The following TMEM217 variants were observed in gnomAD, a reference collection of about 807,000 sequenced individuals.
TMEM217 encodes transmembrane protein 217, also known as chromosome 6 open reading frame 128.
For synonymous variants in TMEM217, 76 were observed against 88.3 expected, an observed-to-expected ratio of 0.86 and a Z score of 0.78; for missense variants, 204 against 248.8, an observed-to-expected ratio of 0.82 and a Z score of 1.21.
At chr6:37,237,821 C>CT (rs1436796474) in intron 1 of TMEM217, among the ~76,000 whole-genome samples, 7 of 152,116 alleles carry the variant, frequency 4.6e-5, no homozygotes, top group African/African-American at 1.7e-4. Context: ...TATACACACA[C>CT]ACTACACACA....
At chr6:37,225,372 T>TA (rs1763764936) in intron 1 of TMEM217, among the ~76,000 whole-genome samples, 1 of 151,976 alleles carries the variant, frequency 6.6e-6, no homozygotes, top group African/African-American at 2.4e-5. Context: ...TCATCATAGT[T>TA]TAAAAAAAAC....
At chr6:37,252,796 A>C (rs188974260) in intron 1 of TMEM217, among the ~76,000 whole-genome samples, 41 of 150,846 alleles carry the variant, frequency 2.7e-4, no homozygotes, top group African/African-American at 9.3e-4. Context: ...GTGCCACCAC[A>C]CTCCACTAAT....
chr6:37,253,075 A>G (rs1292890359), intron 1 of TMEM217, among the ~76,000 whole-genome samples: 2 of 152,212 alleles, frequency 1.3e-5, no homozygotes, highest in Non-Finnish European at 2.9e-5. Flanking sequence ...GACAAAACCC[A>G]TATATTCTTA....
chr6:37,240,312 TA>T (rs1342123105), intron 1 of TMEM217, among the ~76,000 whole-genome samples: 1 of 152,210 alleles, frequency 6.6e-6, no homozygotes, highest in Non-Finnish European at 1.5e-5. Flanking sequence ...GGGGGCCATC[TA>T]AAGGCTCTAC....
chr6:37,251,017 T>G lies in TMEM217; in HGVS notation c.-12+6551A>C, dbSNP rs141880844. On this transcript the variant is annotated intron_variant, in intron 1 of 1. Coordinates refer to ENST00000357219, the Ensembl canonical transcript of TMEM217. ...TTAAGAGGGGCTCCAAAGAGCTGCC[T>G]GACCCTTTCCACCATGTGGGGACAC... Among the ~76,000 whole-genome samples, 248 of 140,788 alleles carry G rather than the reference T, an allele frequency of 1.8e-3. 1 individual carries two copies. Among genetic ancestry groups the G allele is most frequent in the African/African-American group, 6.1e-3 (232 of 38,132 alleles). The allele number at this position is 140,788 out of a possible 152,430, so 92.4% of individuals were successfully genotyped here.
At chr6:37,229,340 T>TTTTTTG (rs1562010228) in intron 1 of TMEM217, among the ~76,000 whole-genome samples, 4 of 123,060 alleles carry the variant, frequency 3.3e-5, no homozygotes, top group South Asian at 2.9e-4. Context: ...TTTCAGTTTT[T>TTTTTTG]TTTTTTTTTT....
At chr6:37,219,169 A>G in intron 1 of TMEM217, 128 bp from the exon 2 acceptor site, 1 of 823,022 alleles carries the variant, frequency 1.2e-6, no homozygotes, top group Non-Finnish European at 1.9e-6. Context: ...CTGGGAAACT[A>G]TAGCCTTGGG....
intron 1 of TMEM217, among the ~76,000 whole-genome samples, chr6:37,246,630 T>C (rs1324523563): frequency 6.6e-6 from 1 of 152,112 alleles, no homozygotes; most frequent in Non-Finnish European, 1.5e-5. Context: ...AGGCTGGGCA[T>C]GGTGGTTCAC....
In TMEM217 at chr6:37,212,260, G is replaced by A. The variant is rs78012975; in HGVS notation, c.*737C>T. 5.3e-3 allele frequency: 1,819 copies of A among 342,264 alleles called. 22 individuals are homozygous for A. The highest frequency in any genetic ancestry group is 0.035 in the African/African-American group (1,652 of 46,640). 21.2% of individuals were successfully genotyped at this position (342,264 alleles called of 1,614,324 possible). ...AACACATCTGTAAAATAATTGATCC[G>A]CACAACCTGCCCTCTCCCGAGAATC... is the stretch of plus-strand genomic sequence containing the variant. On this transcript the variant is annotated 3_prime_UTR_variant, in exon 4 of 4. Transcript: ENST00000336655.
intron 1 of TMEM217, among the ~76,000 whole-genome samples, chr6:37,252,589 ATGTG>A (rs1259800898): frequency 1.7e-4 from 5 of 29,618 alleles, no homozygotes; most frequent in South Asian, 1.2e-3. Flanking sequence ...GTGTACGTGT[ATGTG>A]TGTGTGTGTG....
chr6:37,247,804 C>T (rs1765180201), intron 1 of TMEM217, among the ~76,000 whole-genome samples: 1 of 152,182 alleles, frequency 6.6e-6, no homozygotes, highest in African/African-American at 2.4e-5. Context: ...TGTTTACCAA[C>T]TCCTGAGAGT....
At chr6:37,244,146 A>T (rs1395223557) in intron 1 of TMEM217, among the ~76,000 whole-genome samples, 3 of 152,206 alleles carry the variant, frequency 2.0e-5, no homozygotes, top group Non-Finnish European at 2.9e-5. Context: ...TAGTTTTACA[A>T]AGGTGGTTTA....
At chr6:37,241,953 T>G (rs1764789836) in intron 1 of TMEM217, among the ~76,000 whole-genome samples, 1 of 151,930 alleles carries the variant, frequency 6.6e-6, no homozygotes, top group Non-Finnish European at 1.5e-5. Context: ...CAAAAAGTAA[T>G]ATGAAGTCTG....
chr6:37,215,610 A>G (rs1048499397), downstream of TMEM217, among the ~76,000 whole-genome samples: 2 of 151,168 alleles, frequency 1.3e-5, no homozygotes, highest in Non-Finnish European at 2.9e-5. Flanking sequence ...AAGAAAAGAA[A>G]AAAGAAAACT....
intron 1 of TMEM217, among the ~76,000 whole-genome samples, chr6:37,238,500 T>A (rs1408248189): frequency 6.6e-6 from 1 of 152,198 alleles, no homozygotes; most frequent in Admixed American, 6.5e-5. Flanking sequence ...TATGTGCTTT[T>A]CCAGGTTTTT....
chr6:37,215,570 C>CAAAAAAAAAA (rs34808595), downstream of TMEM217, among the ~76,000 whole-genome samples: 81 of 72,370 alleles, frequency 1.1e-3, 1 homozygote, highest in African/African-American at 2.8e-3. Flanking sequence ...GACTCTGTCT[C>CAAAAAAAAAA]AAAAAAAAAA....
chr6:37,216,833 A>G (rs1037270832), downstream of TMEM217, among the ~76,000 whole-genome samples: 2 of 152,182 alleles, frequency 1.3e-5, no homozygotes, highest in African/African-American at 4.8e-5. Flanking sequence ...GGAACTAGCT[A>G]GTTTCTTTTG....
chr6:37,246,792 A>C (rs1407118366), intron 1 of TMEM217, among the ~76,000 whole-genome samples: 1 of 151,962 alleles, frequency 6.6e-6, no homozygotes, highest in Non-Finnish European at 1.5e-5. Context: ...GATCCCAGCT[A>C]TTCAGGAGGT....
intron 1 of TMEM217, among the ~76,000 whole-genome samples, chr6:37,229,788 T>C (rs1764090899): frequency 6.6e-6 from 1 of 152,218 alleles, no homozygotes. Flanking sequence ...TTTCTATTGC[T>C]GCCATAACAA....
Sources: gnomAD v4.1 joint callset for allele counts (sites outside exome capture counted in the v4.1 genomes callset) on GRCh38, gnomAD v4.1.1 for gene constraint, MANE v1.5 for transcripts, NCBI Gene and HGNC (gene_info 2026-07-23, HGNC 2026-07-21) for gene names.